The following CSF2RA variants were observed in gnomAD, a reference collection of about 807,000 sequenced individuals.
CSF2RA encodes the protein colony stimulating factor 2 receptor subunit alpha.
CSF2RA carries 42 observed loss-of-function variants against 51.6 expected under a neutral mutation model. That is an observed-to-expected ratio of 0.81 (90% CI 0.64 to 1.05). CSF2RA has a LOEUF of 1.05. Among genes scored for constraint, CSF2RA ranks in the 50% least tolerant of loss-of-function variants. CSF2RA has a pLI of 0.00. For missense variants in CSF2RA, 530 were observed against 501.1 expected (o/e 1.06, Z -0.55); for synonymous variants, 222 against 193.0 (o/e 1.15, Z -1.24).
At chrX:1,318,672 CTT>C in the CSF2RA span, among the ~76,000 whole-genome samples, 1 of 150,962 alleles carries the variant, frequency 6.6e-6, no homozygotes, top group Admixed American at 6.6e-5. Context: ...AATCCCAACA[CTT>C]TGGGAGGCCG....
rs1446578856 is a variant in CSF2RA, at chrX:1,287,463, G to A, written c.220-1056G>A. Among the ~76,000 whole-genome samples the A allele has an allele frequency of 2.7e-5, 4 of 147,938 alleles. No individual in the cohort carries two copies. The Middle Eastern group carries it at 0.014, about 528-fold the overall frequency. ...CACCGTGTCCGACCTTTATTTTTTG[G>A]GATGGAGTCTCGCTCTGTCGCCCAG... is the stretch of plus-strand genomic sequence containing the variant. On this transcript the variant is annotated intron_variant, in intron 4 of 12. Coordinates refer to ENST00000381529, the MANE Select transcript of CSF2RA (RefSeq NM_172245.4).
rs200259335 is a variant in CSF2RA, at chrX:1,305,525, G to A, written c.1123G>A (p.Glu375Lys). Residue 375 changes from glutamate (E) to lysine (K), a missense_variant and splice_region_variant, in exon 12 of 13, where the codon GAG (glutamate) becomes AAG (lysine). By Grantham distance (56) the Glu-to-Lys change is moderately conservative. Coordinates refer to ENST00000381529, the MANE Select transcript of CSF2RA (RefSeq NM_172245.4). ...KLNDNHEVEDEIIWEEFTPEE... is the reference protein window; with the variant it reads ...KLNDNHEVEDKIIWEEFTPEE... ...GAATGATAACCATGAGGTGGAAGAC[G>A]AGGTAGGCAGGGGTGGGCGGAGCAG... The A allele has an allele frequency of 1.6e-5, 26 of 1,613,982 alleles. No individual in the cohort carries two copies. The highest frequency in any genetic ancestry group is 1.0e-4 in the Admixed American group (6 of 60,006).
At chrX:1,312,965 G>A (rs748527810), downstream of CSF2RA, among the ~76,000 whole-genome samples, 6 of 152,236 alleles carry the variant, frequency 3.9e-5, no homozygotes, top group South Asian at 4.1e-4. Flanking sequence ...AAGAAAAAGC[G>A]TGGAATCCTC....
At chrX:1,293,540 C>G (rs1352597282) in intron 7 of CSF2RA, among the ~76,000 whole-genome samples, 1 of 143,314 alleles carries the variant, frequency 7.0e-6, no homozygotes, top group African/African-American at 2.6e-5. Flanking sequence ...CTTTCTTTTC[C>G]CTACACAGAG....
chrX:1,300,928 C>T (rs1213634737), intron 10 of CSF2RA, among the ~76,000 whole-genome samples: 1 of 151,322 alleles, frequency 6.6e-6, no homozygotes, highest in Non-Finnish European at 1.5e-5. Flanking sequence ...CTGAGGCCGG[C>T]GGATCACCGG....
Position 1,309,655 on chromosome X carries a change from G to C in CSF2RA, c.*176G>C. 2 of 1,449,212 alleles carry C rather than the reference G, an allele frequency of 1.4e-6. No homozygotes were observed. Among genetic ancestry groups the C allele is most frequent in the Non-Finnish European group, 1.9e-6 (2 of 1,031,308 alleles). The allele number at this position is 1,449,212 out of a possible 1,614,324, so 89.8% of individuals were successfully genotyped here. On this transcript the variant is annotated 3_prime_UTR_variant, in exon 13 of 13. Transcript: ENST00000381529. The stretch of plus-strand genomic sequence containing the variant: ...TAATCCCAGCACTTTGGGAGGCCAA[G>C]GCAGGCGGATCACCTGAGGTCAGGA...
At chrX:1,276,314 G>A (rs1339657747) in intron 2 of CSF2RA, among the ~76,000 whole-genome samples, 2 of 151,810 alleles carry the variant, frequency 1.3e-5, no homozygotes, top group Admixed American at 6.6e-5. Flanking sequence ...GATTACAGCC[G>A]TGAGCCACCT....
At chrX:1,297,933 G>GT (rs2092083683) in intron 9 of CSF2RA, among the ~76,000 whole-genome samples, 1 of 27,480 alleles carries the variant, frequency 3.6e-5, no homozygotes, top group African/African-American at 1.7e-4. Context: ...ACCCCTGGCA[G>GT]AACCCTACAG....
intron 10 of CSF2RA, 105 bp downstream of exon 10, chrX:1,300,731 A>T: frequency 6.8e-7 from 1 of 1,468,354 alleles, no homozygotes; most frequent in Non-Finnish European, 9.5e-7. Context: ...CGAGTTGAGC[A>T]CGTCGCTGGG....
chrX:1,269,648 AGATGAAAAG>A (rs2088106287), intron 1 of CSF2RA, among the ~76,000 whole-genome samples: 1 of 19,040 alleles, frequency 5.3e-5, no homozygotes, highest in South Asian at 1.2e-3. Flanking sequence ...AAAAAAAAAG[AGATGAAAAG>A]AGATGAACGC....
intron 3 of CSF2RA, among the ~76,000 whole-genome samples, chrX:1,283,167 GTTCCTTCCTTCC>G (rs55802277): frequency 3.1e-4 from 42 of 135,038 alleles, no homozygotes; most frequent in African/African-American, 9.7e-4. Context: ...TCCTTCCTTC[GTTCCTTCCTTCC>G]TTCCTTCCTT....
chrX:1,308,201 G>C (rs2083872685), intron 12 of CSF2RA, among the ~76,000 whole-genome samples: 1 of 152,116 alleles, frequency 6.6e-6, no homozygotes, highest in Admixed American at 6.6e-5. Flanking sequence ...CTGAGTCATG[G>C]TTTCATTCAA....
At chrX:1,302,014 T>A (rs1460796732) in intron 10 of CSF2RA, among the ~76,000 whole-genome samples, 1 of 149,732 alleles carries the variant, frequency 6.7e-6, no homozygotes, top group Non-Finnish European at 1.5e-5. Flanking sequence ...CCTCCCAGGT[T>A]CAAGCAATTC....
downstream of CSF2RA, among the ~76,000 whole-genome samples, chrX:1,314,326 A>ACCTGCCTAACCCCACTGCG (rs2084347847): frequency 1.6e-5 from 2 of 124,168 alleles, no homozygotes. Flanking sequence ...ACCACACTGC[A>ACCTGCCTAACCCCACTGCG]CCTGCCCAAC....
chrX:1,315,449 G>A, the CSF2RA span, among the ~76,000 whole-genome samples: 1 of 152,008 alleles, frequency 6.6e-6, no homozygotes, highest in Admixed American at 6.6e-5. Context: ...TGTCACCCAG[G>A]CTGGAGTGCA....
At chrX:1,276,795 C>A (rs1443143457) in intron 2 of CSF2RA, among the ~76,000 whole-genome samples, 1 of 152,036 alleles carries the variant, frequency 6.6e-6, no homozygotes, top group Non-Finnish European at 1.5e-5. Context: ...ATATCCTGGC[C>A]TCCTAGAAAG....
At chrX:1,294,030 GAC>G in intron 7 of CSF2RA, 1 of 213,214 alleles carries the variant, frequency 4.7e-6, no homozygotes, top group South Asian at 4.8e-5. Context: ...ACCCAGTGTA[GAC>G]AGGAGAAGAC....
Position 1,284,195 on chromosome X carries a change from CTTTTTT to C in CSF2RA, c.76+1437_76+1442del, listed in dbSNP as rs752104115. ...CAAGCGGTTTTCTTTCTCTGTCTCT[CTTTTTT>C]TTTTTTTTTTTTTTTTTTTTGAGAC... is the stretch of plus-strand genomic sequence containing the variant. On this transcript the variant is annotated intron_variant, in intron 3 of 12. Coordinates refer to ENST00000381529, the MANE Select transcript of CSF2RA (RefSeq NM_172245.4). Among the ~76,000 whole-genome samples, 27 of 91,780 alleles carry C rather than the reference CTTTTTT, an allele frequency of 2.9e-4. 1 individual carries two copies. Among genetic ancestry groups the C allele is most frequent in the Admixed American group, 4.2e-4 (3 of 7,084 alleles). 60.2% of individuals were successfully genotyped at this position (91,780 alleles called of 152,430 possible).
the CSF2RA span, among the ~76,000 whole-genome samples, chrX:1,315,745 TAG>T: frequency 2.0e-5 from 3 of 151,568 alleles, no homozygotes; most frequent in African/African-American, 4.9e-5. Context: ...CATAGATAGA[TAG>T]ATAGAAAATA....
Sources: gnomAD v4.1 joint callset for allele counts (sites outside exome capture counted in the v4.1 genomes callset) on GRCh38, gnomAD v4.1.1 for gene constraint, MANE v1.5 for transcripts, NCBI Gene and HGNC (gene_info 2026-07-23, HGNC 2026-07-21) for gene names.